Variants in QRICH2 observed in about 807,000 individuals in gnomAD.
QRICH2 encodes the protein glutamine-rich protein 2.
Under a neutral mutation model 168.3 loss-of-function variants are expected in QRICH2, and 119 were observed. That is an observed-to-expected ratio of 0.71 (90% confidence interval 0.61 to 0.82). QRICH2 has a LOEUF of 0.82. Among genes scored for constraint, QRICH2 ranks in the 40% least tolerant of loss-of-function variants. QRICH2 has a pLI of 0.00. For missense variants in QRICH2, 2,241 were observed against 2,491.6 expected, an observed-to-expected ratio of 0.90 and a Z score of 2.14; for synonymous variants, 894 against 951.2, an observed-to-expected ratio of 0.94 and a Z score of 1.11.
intron 3 of QRICH2, among the ~76,000 whole-genome samples, chr17:76,299,174 A>G (rs2070855048): frequency 1.3e-5 from 2 of 152,064 alleles, no homozygotes; most frequent in African/African-American, 4.8e-5. Flanking sequence ...ATATGTTCAA[A>G]TGGCCCTCAA....
Position 76,307,960 on chromosome 17 carries a change from C to A in QRICH2, c.39G>T (p.Ala13=). 8.1e-7 allele frequency: 1 copy of A among 1,234,264 alleles called. No individual in the cohort carries two copies. The highest frequency in any genetic ancestry group is 3.2e-5 in the East Asian group (1 of 31,708). 76.5% of individuals were successfully genotyped at this position (1,234,264 alleles called of 1,614,324 possible). ...CCTCTGGCGTGCCGATGGAGAGGTC[C>A]GCCAGCTCCCGGAGGGAGACCGTGG... is the stretch of plus-strand genomic sequence containing the variant. ...PATTVSLREL[A]DLSIGTPEVG... is the part of the protein sequence containing the mutation. The change falls in exon 1 of 19, where the codon GCG becomes GCT. Residue 13 remains alanine, a synonymous_variant. Coordinates refer to ENST00000680821, the MANE Select transcript of QRICH2 (RefSeq NM_001388453.1). The surrounding 1 kb of genome is among the most constrained non-coding windows in gnomAD (Gnocchi z 5.3).
chr17:76,292,684 C>T lies in QRICH2; in HGVS notation c.2043G>A (p.Val681=), dbSNP rs1277170780. ...VQPGRFQRAL[V]QPGAYQPGLV... ...AGCCAGGCTGATATGCACCAGGCTG[C>T]ACCAAAGCACGCTGAAATCTGCCAG... The change falls in exon 4 of 19, where the codon GTG becomes GTA. Residue 681 remains valine (V), a synonymous_variant. Transcript: ENST00000680821. 4 of 1,613,286 alleles carry T rather than the reference C, an allele frequency of 2.5e-6. 1 individual carries two copies. In the South Asian group the frequency reaches 4.4e-5, roughly 18 times the overall value.
chr17:76,291,566 G>A lies in QRICH2; in HGVS notation c.3161C>T (p.Pro1054Leu), dbSNP rs756325306. 2 of 1,614,164 alleles carry A rather than the reference G, an allele frequency of 1.2e-6. No homozygotes were observed. The highest frequency in any genetic ancestry group is 1.6e-4 in the Middle Eastern group (1 of 6,062). The change falls in exon 4 of 19, where the codon CCT (proline) becomes CTT (leucine). Residue 1054 changes from proline (P) to leucine (L), a missense_variant. By Grantham distance (98) the Pro-to-Leu change is moderately conservative. Transcript: ENST00000680821. Reference sequence around the variant, plus strand: ...TATTGGGCTGTGCTGGTCTGTGCCAGGATGCATCAAACCTTGCTGATAAGT... The same window carrying A: ...TATTGGGCTGTGCTGGTCTGTGCCAAGATGCATCAAACCTTGCTGATAAGT... ...PETYQQGLMHPGTDQHSPIPL... is the reference protein window; with the variant it reads ...PETYQQGLMHLGTDQHSPIPL...
chr17:76,295,856 G>A (rs1238314772), intron 3 of QRICH2, among the ~76,000 whole-genome samples: 4 of 152,152 alleles, frequency 2.6e-5, no homozygotes, highest in Non-Finnish European at 5.9e-5. Flanking sequence ...TGAAAAAGAA[G>A]AATGAACCAC....
chr17:76,285,767 T>C (rs1182958274), intron 7 of QRICH2, among the ~76,000 whole-genome samples: 2 of 150,172 alleles, frequency 1.3e-5, no homozygotes, highest in Admixed American at 6.6e-5. Context: ...GAGAATCACT[T>C]GAACCCAGGA....
chr17:76,285,448 A>G (rs971566380), intron 7 of QRICH2, among the ~76,000 whole-genome samples: 1 of 151,618 alleles, frequency 6.6e-6, no homozygotes, highest in African/African-American at 2.4e-5. Context: ...CTGTATTTTT[A>G]GTAGAGATGG....
intron 1 of QRICH2, among the ~76,000 whole-genome samples, chr17:76,306,677 A>G (rs2070995942): frequency 6.6e-6 from 1 of 152,186 alleles, no homozygotes; most frequent in Non-Finnish European, 1.5e-5. Flanking sequence ...ACTTGAGGTC[A>G]GGAGTTTGAG....
In QRICH2 at chr17:76,281,104, A is replaced by G. The variant is rs1293619051; in HGVS notation, c.4264-151T>C. On this transcript the variant is annotated intron_variant, in intron 8 of 18. Transcript: ENST00000680821. This position sits in a 1 kb window ranked among gnomAD's most constrained non-coding sequence, Gnocchi z 4.4. ...ATGCCTGTAGTCCTGGCACTTTGGG[A>G]AGCTGAGGTGAGGCGAGAGGATCAC... The G allele has an allele frequency of 2.0e-5, 22 of 1,084,776 alleles. No homozygotes were observed. In the East Asian group the frequency reaches 5.4e-4, roughly 27 times the overall value. The allele number at this position is 1,084,776 out of a possible 1,614,324, so 67.2% of individuals were successfully genotyped here.
chr17:76,287,659 G>C, intron 6 of QRICH2, 141 bp downstream of exon 6: 1 of 688,986 alleles, frequency 1.5e-6, no homozygotes, highest in Non-Finnish European at 2.6e-6. Flanking sequence ...ACTAGACATG[G>C]ACAATGTGAA....
chr17:76,274,153 T>C lies in QRICH2; in HGVS notation c.5590A>G (p.Arg1864Gly), dbSNP rs1296326046. The change falls in exon 19 of 19, where the codon AGG becomes GGG. Residue 1864 changes from arginine to glycine, a missense_variant. Transcript: ENST00000680821. ...TCCCCAGGAGGCATGTCCACGTGCCTCTCCAGCCCCCTGTTTGCCACCGCG... is the reference window on the plus strand; with the variant it reads ...TCCCCAGGAGGCATGTCCACGTGCCCCTCCAGCCCCCTGTTTGCCACCGCG... ...SAAVANRGLE[R>G]HVDMPPGEGL... The C allele has an allele frequency of 6.3e-7, 1 of 1,584,634 alleles. No individual in the cohort carries two copies. The highest frequency in any genetic ancestry group is 1.1e-5 in the South Asian group (1 of 87,164).
chr17:76,298,253 G>A (rs1450271212), intron 3 of QRICH2, among the ~76,000 whole-genome samples: 1 of 142,688 alleles, frequency 7.0e-6, no homozygotes, highest in Non-Finnish European at 1.5e-5. Context: ...GTGCAATGTC[G>A]GCTCACTGCA....
Position 76,279,386 on chromosome 17 carries a change from G to A in QRICH2, c.4791C>T (p.Pro1597=). 1.2e-6 allele frequency: 2 copies of A among 1,613,148 alleles called. No homozygotes were observed. The highest frequency in any genetic ancestry group is 1.7e-6 in the Non-Finnish European group (2 of 1,179,582). Residue 1597 remains proline (P), a synonymous_variant, in exon 13 of 19, where the codon CCC becomes CCT. Coordinates refer to ENST00000680821, the MANE Select transcript of QRICH2 (RefSeq NM_001388453.1). ...ACTGTCCAGTCACAGGTGTCTCCAA[G>A]GGCCGGTCACATGAGAGGCAGTGGA... ...AHFHCLSCDR[P]LETPVTGHAI...
chr17:76,301,872 TTGTGTGTGTGTGTGTG>T (rs139933188), intron 3 of QRICH2, among the ~76,000 whole-genome samples: 5,243 of 136,214 alleles, frequency 0.038, 218 homozygotes, highest in African/African-American at 0.098. Flanking sequence ...CTGGCTAATT[TTGTGTGTGTGTGTGTG>T]TGTGTGTGTG....
Position 76,280,262 on chromosome 17 carries a change from G to A in QRICH2, c.4626+25C>T. On this transcript the variant is annotated intron_variant, in intron 11 of 18. Coordinates refer to ENST00000680821, the MANE Select transcript of QRICH2 (RefSeq NM_001388453.1). This position sits in a 1 kb window ranked among gnomAD's most constrained non-coding sequence, Gnocchi z 7.4. ...CCTGGGGGCAAGGCTGTGGGATGGAGAGCCCCGCCATGCCCCTGCCTCACC... is the reference window on the plus strand; with the variant it reads ...CCTGGGGGCAAGGCTGTGGGATGGAAAGCCCCGCCATGCCCCTGCCTCACC... 3.1e-6 allele frequency: 5 copies of A among 1,612,528 alleles called. No homozygotes were observed. The highest frequency in any genetic ancestry group is 4.2e-6 in the Non-Finnish European group (5 of 1,179,182).
At chr17:76,275,733 A>C in intron 18 of QRICH2, 86 bp downstream of exon 18, 1 of 1,485,466 alleles carries the variant, frequency 6.7e-7, no homozygotes, top group Non-Finnish European at 9.0e-7. Context: ...CTCTCCGGGG[A>C]GATAAAGGCC....
intron 14 of QRICH2, 125 bp from the exon 15 acceptor site, chr17:76,278,314 G>A (rs924685663): frequency 2.3e-6 from 2 of 879,176 alleles, no homozygotes; most frequent in African/African-American, 1.7e-5. Flanking sequence ...GGGTCGCTGG[G>A]CAGCTTGACC....
Position 76,282,119 on chromosome 17 carries a change from C to T in QRICH2, c.4012-4G>A, listed in dbSNP as rs774664554. 4.4e-5 allele frequency: 70 copies of T among 1,594,094 alleles called. No individual in the cohort carries two copies. The highest frequency in any genetic ancestry group is 3.6e-5 in the Non-Finnish European group (42 of 1,164,572). On this transcript the variant is annotated splice_region_variant and splice_polypyrimidine_tract_variant and intron_variant, in intron 7 of 18. Transcript: ENST00000680821. ...TGATCATCCTGAGCTTGTCCAACTGCGTGCAGGAGAGACGGCAGCAGCAGG... is the reference window on the plus strand; with the variant it reads ...TGATCATCCTGAGCTTGTCCAACTGTGTGCAGGAGAGACGGCAGCAGCAGG...
At chr17:76,294,158 G>A in intron 3 of QRICH2, 137 bp from the exon 4 acceptor site, 1 of 1,138,014 alleles carries the variant, frequency 8.8e-7, no homozygotes. Flanking sequence ...TAAAAGCTAA[G>A]CTTGACATAA....
In QRICH2 at chr17:76,281,882, C is replaced by T. The variant is rs369768383; in HGVS notation, c.4245G>A (p.Lys1415=). The part of the protein sequence containing the change: ...NSLAVSRPSK[K]AKLQRQDEEL... Reference sequence around the variant, plus strand: ...GCCCCACCTGTCTCTGGAGCTTGGCCTTCTTGGAGGGTCGGGAGACGGCCA... The same window carrying T: ...GCCCCACCTGTCTCTGGAGCTTGGCTTTCTTGGAGGGTCGGGAGACGGCCA... The change falls in exon 8 of 19, where the codon AAG becomes AAA. Residue 1415 remains lysine (K), a synonymous_variant. Transcript: ENST00000680821. This position sits in a 1 kb window ranked among gnomAD's most constrained non-coding sequence, Gnocchi z 4.4. 1 of 1,613,442 alleles carries T rather than the reference C, an allele frequency of 6.2e-7. No homozygotes were observed. The highest frequency in any genetic ancestry group is 8.5e-7 in the Non-Finnish European group (1 of 1,179,828).
Sources: allele counts gnomAD v4.1 joint callset (sites outside exome capture counted in the v4.1 genomes callset), GRCh38; gene constraint gnomAD v4.1.1; non-coding constraint Gnocchi (gnomAD v3.1); transcripts MANE v1.5; gene names NCBI Gene and HGNC (gene_info 2026-07-23, HGNC 2026-07-21).